The following NRIP1 variants were observed in gnomAD, a reference collection of about 807,000 sequenced individuals.
The protein encoded by NRIP1 is nuclear receptor interacting protein 1, also known as nuclear receptor-interacting protein 1.
NRIP1 carries 28 observed loss-of-function variants against 75.0 expected under a neutral mutation model. That is an observed-to-expected ratio of 0.37 (90% CI 0.28 to 0.51). NRIP1 has a LOEUF of 0.51. Ranked by LOEUF, NRIP1 falls within the 20% of genes least tolerant of loss-of-function variation. The pLI, the probability that NRIP1 is intolerant of heterozygous loss-of-function variation, is 0.92. For synonymous variants in NRIP1, 526 were observed against 487.6 expected, an observed-to-expected ratio of 1.08 and a Z score of -1.04; for missense variants, 1,435 against 1,343.7, an observed-to-expected ratio of 1.07 and a Z score of -1.06.
intron 3 of NRIP1, among the ~76,000 whole-genome samples, chr21:15,002,666 A>G (rs1478006152): frequency 6.6e-6 from 1 of 152,190 alleles, no homozygotes; most frequent in Non-Finnish European, 1.5e-5. Flanking sequence ...AACGAGAATC[A>G]TGATCAGTCT....
intron 3 of NRIP1, chr21:14,992,420 G>T (rs77233092): frequency 3.9e-5 from 6 of 152,140 alleles, no homozygotes; most frequent in Admixed American, 1.3e-4. Flanking sequence ...TTCAGTCTGA[G>T]TGAGTTTTGT....
chr21:15,056,910 T>C (rs2089320235), intron 1 of NRIP1, among the ~76,000 whole-genome samples: 1 of 152,134 alleles, frequency 6.6e-6, no homozygotes, highest in South Asian at 2.1e-4. Flanking sequence ...CATAACTCCA[T>C]TTCTTATGGC....
At chr21:15,007,193 G>A (rs2087992601) in intron 3 of NRIP1, among the ~76,000 whole-genome samples, 1 of 152,162 alleles carries the variant, frequency 6.6e-6, no homozygotes, top group Admixed American at 6.5e-5. Context: ...ATTATTAAAA[G>A]CATATTAGAA....
At chr21:15,009,829 A>C (rs1314695299) in intron 3 of NRIP1, among the ~76,000 whole-genome samples, 1 of 152,222 alleles carries the variant, frequency 6.6e-6, no homozygotes, top group African/African-American at 2.4e-5. Context: ...TAGTCTTGCT[A>C]AAAACTTCTG....
chr21:14,978,442 T>C (rs2087138553), intron 3 of NRIP1, among the ~76,000 whole-genome samples: 1 of 152,232 alleles, frequency 6.6e-6, no homozygotes, highest in South Asian at 2.1e-4. Context: ...GGTATCTATG[T>C]TCACAACTTT....
At chr21:14,970,022 C>A (rs1317780199) in intron 3 of NRIP1, among the ~76,000 whole-genome samples, 1 of 152,158 alleles carries the variant, frequency 6.6e-6, no homozygotes, top group African/African-American at 2.4e-5. Flanking sequence ...ACCAAATATC[C>A]ATTCTCCCAT....
chr21:14,968,050 T>C lies in NRIP1; in HGVS notation c.143A>G (p.Asp48Gly), dbSNP rs375685017. 6.2e-7 allele frequency: 1 copy of C among 1,613,996 alleles called. No homozygotes were observed. Among genetic ancestry groups the C allele is most frequent in the Non-Finnish European group, 8.5e-7 (1 of 1,180,028 alleles). ...DKKSAGHNEE[D>G]QNFNISGSAF... ...ACTGCCAGAAATGTTAAAGTTCTGA[T>C]CCTCTTCATTATGCCCAGCAGACTT... Residue 48 changes from aspartate (D) to glycine (G), a missense_variant, in exon 4 of 4, where the codon GAT (aspartate) becomes GGT (glycine). Coordinates refer to ENST00000318948, the MANE Select transcript of NRIP1 (RefSeq NM_003489.4).
chr21:15,011,898 GAGCTAACAAAAT>G (rs1411323857), intron 3 of NRIP1, among the ~76,000 whole-genome samples: 2 of 152,082 alleles, frequency 1.3e-5, no homozygotes, highest in Non-Finnish European at 2.9e-5. Context: ...TCAAAAGAAG[GAGCTAACAAAAT>G]AGCAAGGGAA....
Position 15,061,533 on chromosome 21 carries a change from T to A in NRIP1, c.-538+3212A>T, listed in dbSNP as rs542521080. On this transcript the variant is annotated intron_variant, in intron 1 of 3. Coordinates refer to ENST00000318948, the MANE Select transcript of NRIP1 (RefSeq NM_003489.4). ...GGACTACCATTTCCTCTTACTAACC[T>A]ACATTAAAAACTAATTGTATCAAGC... 6.6e-5 allele frequency among the ~76,000 whole-genome samples: 10 copies of A among 152,298 alleles called. No homozygotes were observed. The South Asian group carries it at 2.1e-3, about 32-fold the overall frequency.
chr21:15,021,906 G>T (rs899627252), intron 2 of NRIP1, among the ~76,000 whole-genome samples: 13 of 152,320 alleles, frequency 8.5e-5, no homozygotes, highest in Admixed American at 8.5e-4. Flanking sequence ...ATGCTGGCAA[G>T]GTTGTGGAGA....
rs903002814 is a variant in NRIP1 at position 14,963,801 on chromosome 21, C to T, written c.*915G>A. The stretch of plus-strand genomic sequence containing the variant: ...GAGTTCAGGTTTAAGGAATCCTGGT[C>T]ATAACACTCGCAGGTACCACAGGAA... On this transcript the variant is annotated 3_prime_UTR_variant, in exon 4 of 4. Transcript: ENST00000318948. The T allele has an allele frequency of 2.6e-5, 4 of 152,098 alleles. No homozygotes were observed. The highest frequency in any genetic ancestry group is 9.7e-5 in the African/African-American group (4 of 41,406). 9.4% of individuals were successfully genotyped at this position (152,098 alleles called of 1,614,324 possible).
chr21:14,991,212 G>A (rs34570637), intron 3 of NRIP1: 26,790 of 150,792 alleles, frequency 0.18, 2,835 homozygotes, highest in Non-Finnish European at 0.24. Flanking sequence ...TTCTTTGTGC[G>A]TATCATGTAA....
chr21:14,976,211 A>G (rs1400215659), intron 3 of NRIP1, among the ~76,000 whole-genome samples: 1 of 152,166 alleles, frequency 6.6e-6, no homozygotes, highest in Non-Finnish European at 1.5e-5. Flanking sequence ...TAAAGTTTAT[A>G]AAGTTAAGAT....
rs1052820503 is a variant in NRIP1, at chr21:14,966,889, T to C, written c.1304A>G (p.Tyr435Cys). The C allele has an allele frequency of 6.2e-7, 1 of 1,614,022 alleles. No homozygotes were observed. Reference protein sequence around the residue: ...TDDSSGDESSYSNCVPIDLSC... With the variant: ...TDDSSGDESSCSNCVPIDLSC... ...CAAGTCTATGGGAACACAGTTGGAA[T>C]AAGAACTTTCATCACCACTGCTGTC... The change falls in exon 4 of 4, where the codon TAT (tyrosine) becomes TGT (cysteine). Residue 435 changes from tyrosine (Y) to cysteine (C), a missense_variant. Coordinates refer to ENST00000318948, the MANE Select transcript of NRIP1 (RefSeq NM_003489.4).
At chr21:15,020,968 G>A (rs549643565) in intron 2 of NRIP1, among the ~76,000 whole-genome samples, 1 of 152,042 alleles carries the variant, frequency 6.6e-6, no homozygotes, top group African/African-American at 2.4e-5. Flanking sequence ...ATGTAAAAAT[G>A]GCATAACCAC....
Position 14,966,271 on chromosome 21 carries a change from G to C in NRIP1, c.1922C>G (p.Ser641Ter). The C allele has an allele frequency of 6.2e-7, 1 of 1,614,044 alleles. No homozygotes were observed. The highest frequency in any genetic ancestry group is 8.5e-7 in the Non-Finnish European group (1 of 1,179,986). The change falls in exon 4 of 4, where the codon TCA (serine) becomes TGA (stop). Residue 641 changes from serine to a stop codon, truncating the protein, a stop_gained. Transcript: ENST00000318948. LOFTEE classifies it high-confidence loss of function. Reference protein sequence around the residue: ...LQNLAQCGMQSSMSVEEQRPS... With the variant: ...LQNLAQCGMQ ...TCTCTGCTCTTCCACTGACATGGAT[G>C]ACTGCATTCCACATTGTGCTAAATT...
At chr21:15,018,279 C>T (rs1041731414) in intron 2 of NRIP1, among the ~76,000 whole-genome samples, 2 of 151,986 alleles carry the variant, frequency 1.3e-5, no homozygotes, top group East Asian at 1.9e-4. Flanking sequence ...AATTGCTAAA[C>T]AAATTAGAAG....
chr21:15,047,114 C>T lies in NRIP1; in HGVS notation c.-537-3540G>A, dbSNP rs79983415. Among the ~76,000 whole-genome samples, 1,857 of 152,282 alleles carry T rather than the reference C, an allele frequency of 0.012. 206 individuals are homozygous for T. In the East Asian group the frequency reaches 0.26, roughly 21 times the overall value. On this transcript the variant is annotated intron_variant, in intron 1 of 3. Coordinates refer to ENST00000318948, the MANE Select transcript of NRIP1 (RefSeq NM_003489.4). ...TTATAAAGGAAAGAGGTTTCATTGA[C>T]TCAGAGTTCCGCATTGTTGGGGAGG...
chr21:15,006,383 T>C (rs1004222303), intron 3 of NRIP1, among the ~76,000 whole-genome samples: 14 of 152,268 alleles, frequency 9.2e-5, no homozygotes, highest in African/African-American at 3.4e-4. Flanking sequence ...AGTAGGCAAA[T>C]GTTTAAATCA....
Sources: allele counts gnomAD v4.1 joint callset (sites outside exome capture counted in the v4.1 genomes callset), GRCh38; gene constraint gnomAD v4.1.1; transcripts MANE v1.5; gene names NCBI Gene and HGNC (gene_info 2026-07-23, HGNC 2026-07-21).